Variants in CCNDBP1 observed in about 807,000 individuals in gnomAD.
The protein encoded by CCNDBP1 is cyclin D1 binding protein 1, also known as cyclin-D1-binding protein 1.
CCNDBP1 carries 45 observed loss-of-function variants against 46.2 expected under a neutral mutation model. That is an observed-to-expected ratio of 0.97 (90% CI 0.77 to 1.25). CCNDBP1 has a LOEUF of 1.25. Among genes scored for constraint, CCNDBP1 ranks in the 50% most tolerant of loss-of-function variants. CCNDBP1 has a pLI of 0.00. For missense variants in CCNDBP1, 436 were observed against 442.1 expected (o/e 0.99, Z 0.12); for synonymous variants, 154 against 163.6 (o/e 0.94, Z 0.45).
At chr15:43,185,673 C>T (rs1294441645) in intron 1 of CCNDBP1, 66 bp downstream of exon 1, 3 of 383,084 alleles carry the variant, frequency 7.8e-6, no homozygotes, top group African/African-American at 3.1e-5. Context: ...AGGCCGGGCT[C>T]GGGGTCGGGG....
chr15:43,194,521 G>T lies in CCNDBP1; in HGVS notation c.968+60G>T, dbSNP rs148515458. ...AGTAAAACGGAACTGCTGTCCAGAC[G>T]TTCTCAACTCCCTAGCTCCCATTTC... On this transcript the variant is annotated intron_variant, in intron 10 of 10. Coordinates refer to ENST00000300213, the MANE Select transcript of CCNDBP1 (RefSeq NM_012142.5). 1.2e-4 allele frequency: 159 copies of T among 1,339,280 alleles called. 1 individual carries two copies. Among genetic ancestry groups the T allele is most frequent in the Non-Finnish European group, 1.5e-4 (144 of 951,070 alleles). The allele number at this position is 1,339,280 out of a possible 1,614,324, so 83.0% of individuals were successfully genotyped here.
chr15:43,194,374 G>T (rs1476303551), intron 9 of CCNDBP1, 41 bp from the exon 10 acceptor site: 1 of 1,507,072 alleles, frequency 6.6e-7, no homozygotes, highest in Non-Finnish European at 8.9e-7. Context: ...ACCTTTTTAT[G>T]GTAGGGCTCA....
Position 43,185,585 on chromosome 15 carries a change from G to A in CCNDBP1, c.87G>A (p.Arg29=), listed in dbSNP as rs2041796769. 6.4e-7 allele frequency: 1 copy of A among 1,561,612 alleles called. No homozygotes were observed. The highest frequency in any genetic ancestry group is 8.7e-7 in the Non-Finnish European group (1 of 1,155,036). ...EQLRHLAEEL[R]LLLPRVRVGE... is the part of the protein sequence containing the mutation. The stretch of plus-strand genomic sequence containing the variant: ...TCCGGCACTTGGCGGAGGAGCTGCG[G>A]TTGCTCCTGCCTCGAGTGCGGGGTG... The change falls in exon 1 of 11, where the codon CGG becomes CGA. Residue 29 remains arginine, a synonymous_variant. Transcript: ENST00000300213.
In CCNDBP1 at chr15:43,185,409, G is replaced by A. The variant is rs755009283; in HGVS notation, c.-90G>A. 356 of 1,041,398 alleles carry A rather than the reference G, an allele frequency of 3.4e-4. 1 individual carries two copies. The highest frequency in any genetic ancestry group is 4.8e-4 in the Non-Finnish European group (336 of 696,206). The allele number at this position is 1,041,398 out of a possible 1,614,324, so 64.5% of individuals were successfully genotyped here. On this transcript the variant is annotated 5_prime_UTR_variant, in exon 1 of 11. Coordinates refer to ENST00000300213, the MANE Select transcript of CCNDBP1 (RefSeq NM_012142.5). Reference sequence around the variant, plus strand: ...TTGTTGACGGAAACGAGCCCTTGACGCTGTGGCCCGGAAGTGGAGCGGCTG... The same window carrying A: ...TTGTTGACGGAAACGAGCCCTTGACACTGTGGCCCGGAAGTGGAGCGGCTG...
chr15:43,185,443 C>A lies in CCNDBP1; in HGVS notation c.-56C>A. The A allele has an allele frequency of 3.0e-6, 4 of 1,352,474 alleles. No individual in the cohort carries two copies. The highest frequency in any genetic ancestry group is 4.1e-6 in the Non-Finnish European group (4 of 976,812). The allele number at this position is 1,352,474 out of a possible 1,614,324, so 83.8% of individuals were successfully genotyped here. On this transcript the variant is annotated 5_prime_UTR_variant, in exon 1 of 11. Transcript: ENST00000300213. The stretch of plus-strand genomic sequence containing the variant: ...CGGAAGTGGAGCGGCTGTCGCAGTG[C>A]GGCTCCGGCAGTGGCAGCGGAGGCC...
chr15:43,187,987 T>G (rs1465586370), intron 3 of CCNDBP1, among the ~76,000 whole-genome samples: 1 of 152,086 alleles, frequency 6.6e-6, no homozygotes, highest in Non-Finnish European at 1.5e-5. Context: ...GATGGGTGGT[T>G]GTTGGTTTTT....
intron 3 of CCNDBP1, among the ~76,000 whole-genome samples, chr15:43,187,685 T>C (rs1465366488): frequency 6.6e-6 from 1 of 152,208 alleles, no homozygotes; most frequent in Non-Finnish European, 1.5e-5. Context: ...ATTTTTCTTA[T>C]CTGCTAACCC....
Position 43,192,821 on chromosome 15 carries a change from G to C in CCNDBP1, c.921+18G>C. On this transcript the variant is annotated intron_variant, in intron 9 of 10. Coordinates refer to ENST00000300213, the MANE Select transcript of CCNDBP1 (RefSeq NM_012142.5). The stretch of plus-strand genomic sequence containing the variant: ...GAATCAATGTAAGTACTGGCTTTGA[G>C]GGAATAGCTACAGAACAAATGGGCA... 1 of 1,610,900 alleles carries C rather than the reference G, an allele frequency of 6.2e-7. No homozygotes were observed. The highest frequency in any genetic ancestry group is 8.5e-7 in the Non-Finnish European group (1 of 1,177,026).
At chr15:43,186,871 A>AT (rs576858815) in intron 3 of CCNDBP1, among the ~76,000 whole-genome samples, 85 of 152,364 alleles carry the variant, frequency 5.6e-4, no homozygotes, top group African/African-American at 1.9e-3. Flanking sequence ...AATGATACAT[A>AT]AACACTGTTC....
chr15:43,193,886 T>C (rs1474458316), intron 9 of CCNDBP1, among the ~76,000 whole-genome samples: 6 of 152,106 alleles, frequency 3.9e-5, no homozygotes, highest in Non-Finnish European at 8.8e-5. Flanking sequence ...TCCTAAGAAA[T>C]AAACATTTTT....
In CCNDBP1 at chr15:43,194,746, C is replaced by A; in HGVS notation, c.988C>A (p.Gln330Lys). The A allele has an allele frequency of 1.2e-6, 2 of 1,612,160 alleles. No individual in the cohort carries two copies. Among genetic ancestry groups the A allele is most frequent in the Non-Finnish European group, 1.7e-6 (2 of 1,178,182 alleles). ...TCACAGAGCAAGTCATGTGACCCCT[C>A]AGCCAGAAGATAGTTGGATCCCTTT... ...EITKASHVTP[Q>K]PEDSWIPLLI... Residue 330 changes from glutamine (Q) to lysine (K), a missense_variant, in exon 11 of 11, where the codon CAG becomes AAG. Gln to Lys is a moderately conservative substitution (Grantham distance 53). Coordinates refer to ENST00000300213, the MANE Select transcript of CCNDBP1 (RefSeq NM_012142.5).
intron 7 of CCNDBP1, 52 bp from the exon 8 acceptor site, chr15:43,191,343 C>CTTTTTTT (rs3214529): frequency 1.3e-5 from 9 of 682,542 alleles, no homozygotes; most frequent in South Asian, 4.1e-5. Context: ...TAGGCCTCGC[C>CTTTTTTT]TTTTTTTTTT....
intron 8 of CCNDBP1, among the ~76,000 whole-genome samples, chr15:43,192,242 C>T (rs1488528934): frequency 6.6e-6 from 1 of 152,110 alleles, no homozygotes; most frequent in African/African-American, 2.4e-5. Context: ...ATCCAACAAC[C>T]TGGATTCACG....
chr15:43,187,386 C>T (rs1397571240), intron 3 of CCNDBP1, among the ~76,000 whole-genome samples: 1 of 152,010 alleles, frequency 6.6e-6, no homozygotes, highest in Non-Finnish European at 1.5e-5. Flanking sequence ...TCTCCTGCCT[C>T]AGCCTCTCGA....
chr15:43,186,876 CTG>C (rs1207195529), intron 3 of CCNDBP1, among the ~76,000 whole-genome samples: 3 of 152,208 alleles, frequency 2.0e-5, no homozygotes, highest in Admixed American at 2.0e-4. Flanking sequence ...TACATAAACA[CTG>C]TTCTGGACCT....
intron 4 of CCNDBP1, 177 bp from the exon 5 acceptor site, chr15:43,189,878 C>G (rs2041919404): frequency 1.8e-6 from 1 of 567,484 alleles, no homozygotes; most frequent in African/African-American, 1.9e-5. Flanking sequence ...TAAGGAATGG[C>G]AGGAGGGGCA....
intron 9 of CCNDBP1, chr15:43,193,402 T>G (rs1328893935): frequency 1.4e-5 from 2 of 147,670 alleles, no homozygotes; most frequent in African/African-American, 5.0e-5. Flanking sequence ...ACACGGTAAT[T>G]TAGGAACTTC....
rs540576960 is a variant in CCNDBP1 at position 43,196,987 on chromosome 15, A to C, written c.*2146A>C. On this transcript the variant is annotated 3_prime_UTR_variant, in exon 11 of 11. Transcript: ENST00000300213. ...GCTCTATATGTCCCTCCCCCACCCC[A>C]GAGCTGGCTGTTAAAACGAGGCTGG... 35 of 391,272 alleles carry C rather than the reference A, an allele frequency of 8.9e-5. No individual in the cohort carries two copies. The highest frequency in any genetic ancestry group is 8.4e-4 in the Admixed American group (23 of 27,262). 24.2% of individuals were successfully genotyped at this position (391,272 alleles called of 1,614,324 possible). A position where few individuals can be genotyped will look rare whatever the true frequency, so the allele number is the denominator to read the frequency against.
intron 1 of CCNDBP1, 60 bp from the exon 2 acceptor site, chr15:43,185,760 T>A (rs2041809955): frequency 6.4e-7 from 1 of 1,559,336 alleles, no homozygotes; most frequent in African/African-American, 1.4e-5. Flanking sequence ...GGGAGGTGGC[T>A]CCGCTTACCT....
Sources: allele counts gnomAD v4.1 joint callset (sites outside exome capture counted in the v4.1 genomes callset), GRCh38; gene constraint gnomAD v4.1.1; transcripts MANE v1.5; gene names NCBI Gene and HGNC (gene_info 2026-07-23, HGNC 2026-07-21).